Variants in ARHGAP10 observed in about 807,000 individuals in gnomAD.
ARHGAP10 encodes Rho GTPase activating protein 10.
Under a neutral mutation model 108.6 loss-of-function variants are expected in ARHGAP10, and 87 were observed. The observed-to-expected ratio is 0.80, with a 90% CI of 0.67 to 0.96. ARHGAP10 has a LOEUF of 0.96. Among genes scored for constraint, ARHGAP10 ranks in the 40% least tolerant of loss-of-function variants. The pLI, the probability that ARHGAP10 is intolerant of heterozygous loss-of-function variation, is 0.00. For missense variants in ARHGAP10, 939 were observed against 954.5 expected, an observed-to-expected ratio of 0.98 and a Z score of 0.21; for synonymous variants, 347 against 341.1, an observed-to-expected ratio of 1.02 and a Z score of -0.19.
intron 6 of ARHGAP10, 160 bp downstream of exon 6, chr4:147,865,116 G>A: frequency 1.6e-6 from 1 of 616,746 alleles, no homozygotes; most frequent in Non-Finnish European, 2.8e-6. Flanking sequence ...ATGAAGTCAA[G>A]GAATTGCCTC....
intron 1 of ARHGAP10, among the ~76,000 whole-genome samples, chr4:147,775,365 G>A (rs997549323): frequency 1.3e-5 from 2 of 152,228 alleles, no homozygotes; most frequent in Non-Finnish European, 2.9e-5. Context: ...GGCTAATGGA[G>A]GTGGTCTGTC....
At chr4:147,869,998 T>TTTTGTGTGTGTG (rs1553958574) in intron 7 of ARHGAP10, among the ~76,000 whole-genome samples, 12 of 93,068 alleles carry the variant, frequency 1.3e-4, no homozygotes, top group African/African-American at 3.1e-4. Flanking sequence ...AAGTCCCAGT[T>TTTTGTGTGTGTG]TGTGTGTGTG....
In ARHGAP10 at chr4:147,823,090, A is replaced by G. The variant is rs1579084603; in HGVS notation, c.312+133A>G. The G allele has an allele frequency of 4.3e-6, 4 of 932,262 alleles. 1 individual carries two copies. In the Admixed American group the frequency reaches 1.1e-4, roughly 25 times the overall value. The allele number at this position is 932,262 out of a possible 1,614,324, so 57.7% of individuals were successfully genotyped here. On this transcript the variant is annotated intron_variant, in intron 3 of 22. Transcript: ENST00000336498. Reference sequence around the variant, plus strand: ...AGTAGTGCATTGTAATGGAAAGATGAGGTTTCCGGAGCCCTGATTTCTAGT... The same window carrying G: ...AGTAGTGCATTGTAATGGAAAGATGGGGTTTCCGGAGCCCTGATTTCTAGT...
Position 147,918,375 on chromosome 4 carries a change from T to C in ARHGAP10, c.1228+5236T>C, listed in dbSNP as rs1381620517. 2.6e-5 allele frequency among the ~76,000 whole-genome samples: 4 copies of C among 152,250 alleles called. No homozygotes were observed. In the East Asian group the frequency reaches 7.7e-4, roughly 29 times the overall value. On this transcript the variant is annotated intron_variant, in intron 13 of 22. Transcript: ENST00000336498. The stretch of plus-strand genomic sequence containing the variant: ...TGGTCTTGATCTCCTGACCTCGTGA[T>C]CCACCTGCCTCGGCCTCCCAAAGTG...
intron 18 of ARHGAP10, among the ~76,000 whole-genome samples, chr4:147,990,896 GT>G (rs1387627466): frequency 1.3e-5 from 2 of 151,986 alleles, no homozygotes; most frequent in African/African-American, 4.8e-5. Flanking sequence ...CATACCTGTG[GT>G]CCCAGCTACT....
intron 18 of ARHGAP10, among the ~76,000 whole-genome samples, chr4:147,972,450 G>A (rs566795093): frequency 6.6e-6 from 1 of 152,232 alleles, no homozygotes; most frequent in Admixed American, 6.5e-5. Context: ...AGCTTAACTT[G>A]CTCATGAGCA....
At chr4:147,758,702 A>T (rs1198639464) in intron 1 of ARHGAP10, among the ~76,000 whole-genome samples, 8 of 150,218 alleles carry the variant, frequency 5.3e-5, no homozygotes. Flanking sequence ...TTTTAGGCTG[A>T]GTGTGGTGGC....
At chr4:147,854,690 T>G (rs915549461) in intron 4 of ARHGAP10, 1 of 982,988 alleles carries the variant, frequency 1.0e-6, no homozygotes, top group African/African-American at 1.7e-5. Context: ...AGAAATCATA[T>G]GAGCACAAAG....
intron 3 of ARHGAP10, among the ~76,000 whole-genome samples, chr4:147,846,827 A>G (rs1478188601): frequency 1.3e-5 from 2 of 152,182 alleles, no homozygotes; most frequent in Non-Finnish European, 2.9e-5. Flanking sequence ...AACAATCTCA[A>G]ACAGAAGTGT....
rs555126201 is a variant in ARHGAP10 at position 147,919,565 on chromosome 4, CA to C, written c.1228+6428del. On this transcript the variant is annotated intron_variant, in intron 13 of 22. Coordinates refer to ENST00000336498, the MANE Select transcript of ARHGAP10 (RefSeq NM_024605.4). ...GAAATTACCTGGGATCTTTTAAAAA[CA>C]ATTTTTTTTTCTTTTTTTTTTGTGG... Among the ~76,000 whole-genome samples the C allele has an allele frequency of 1.5e-3, 96 of 62,272 alleles. 1 individual carries two copies. In the South Asian group the frequency reaches 0.065, roughly 42 times the overall value. The allele number at this position is 62,272 out of a possible 152,430, so 40.9% of individuals were successfully genotyped here.
chr4:148,000,495 CG>C (rs1332318586), intron 18 of ARHGAP10, among the ~76,000 whole-genome samples: 1 of 152,186 alleles, frequency 6.6e-6, no homozygotes, highest in Non-Finnish European at 1.5e-5. Flanking sequence ...CTTGAGGAAT[CG>C]CCATACTGTC....
At position 147,942,377 on chromosome 4, in the gene ARHGAP10, A is replaced by G. The variant is rs373418122; in HGVS notation, c.1303+2478A>G. The stretch of plus-strand genomic sequence containing the variant: ...ATTTACTTTAGAATTTTTTATTGCC[A>G]TTTTTACACAAAGTACTTTGTATTG... On this transcript the variant is annotated intron_variant, in intron 14 of 22. Coordinates refer to ENST00000336498, the MANE Select transcript of ARHGAP10 (RefSeq NM_024605.4). Among the ~76,000 whole-genome samples the G allele has an allele frequency of 2.2e-3, 336 of 152,262 alleles. 1 individual carries two copies. The highest frequency in any genetic ancestry group is 7.4e-3 in the African/African-American group (306 of 41,560).
At chr4:147,916,677 A>G (rs1354553803) in intron 13 of ARHGAP10, 1 of 152,218 alleles carries the variant, frequency 6.6e-6, no homozygotes, top group African/African-American at 2.4e-5. Flanking sequence ...AATGGTAAAG[A>G]TACGGGGTCC....
intron 18 of ARHGAP10, among the ~76,000 whole-genome samples, chr4:148,013,513 G>C (rs930355144): frequency 6.6e-6 from 1 of 152,030 alleles, no homozygotes; most frequent in African/African-American, 2.4e-5. Flanking sequence ...ACGGTGAAAT[G>C]CTGTCTCTAC....
chr4:148,014,118 C>T (rs1741266043), intron 18 of ARHGAP10, among the ~76,000 whole-genome samples: 1 of 152,206 alleles, frequency 6.6e-6, no homozygotes, highest in African/African-American at 2.4e-5. Flanking sequence ...TGTGTATGGA[C>T]TATACCTTAT....
chr4:147,990,133 G>A (rs1166879400), intron 18 of ARHGAP10, among the ~76,000 whole-genome samples: 10 of 152,194 alleles, frequency 6.6e-5, no homozygotes, highest in South Asian at 4.1e-4. Flanking sequence ...AAGGCACCCC[G>A]TCCTTCAGGT....
intron 10 of ARHGAP10, among the ~76,000 whole-genome samples, chr4:147,887,137 C>T (rs1735602391): frequency 6.6e-6 from 1 of 152,128 alleles, no homozygotes. Flanking sequence ...CTGACACTGC[C>T]TTCCTTTCCT....
At position 147,912,001 on chromosome 4, in the gene ARHGAP10, G is replaced by A. The variant is rs1189963235; in HGVS notation, c.1163-1073G>A. On this transcript the variant is annotated intron_variant, in intron 12 of 22. Coordinates refer to ENST00000336498, the MANE Select transcript of ARHGAP10 (RefSeq NM_024605.4). The stretch of plus-strand genomic sequence containing the variant: ...GTAATTTAAGAACATTCACGTGTGT[G>A]TGTGTGTGTGTGTGTGTGTGTGTGT... 9.8e-3 allele frequency among the ~76,000 whole-genome samples: 189 copies of A among 19,250 alleles called. 1 individual carries two copies. The highest frequency in any genetic ancestry group is 0.056 in the Middle Eastern group (1 of 18). The allele number at this position is 19,250 out of a possible 152,430, so 12.6% of individuals were successfully genotyped here.
chr4:148,063,585 A>G (rs1729722839), intron 21 of ARHGAP10, among the ~76,000 whole-genome samples: 1 of 152,190 alleles, frequency 6.6e-6, no homozygotes, highest in Non-Finnish European at 1.5e-5. Context: ...ATTTTGGAAG[A>G]ACTTCTTGCT....
Sources: allele counts gnomAD v4.1 joint callset (sites outside exome capture counted in the v4.1 genomes callset), GRCh38; gene constraint gnomAD v4.1.1; transcripts MANE v1.5; gene names NCBI Gene and HGNC (gene_info 2026-07-23, HGNC 2026-07-21).